The following IBTK variants were observed in gnomAD, a reference collection of about 807,000 sequenced individuals.
The protein encoded by IBTK is inhibitor of Bruton tyrosine kinase, also known as BTK-binding protein.
IBTK carries 83 observed loss-of-function variants against 154.9 expected under a neutral mutation model. The observed-to-expected ratio is 0.54, with a 90% CI of 0.45 to 0.64. IBTK has a LOEUF of 0.64. IBTK is among the 30% of genes least tolerant of loss of function. The pLI is 0.00. For missense variants in IBTK, 1,332 were observed against 1,584.6 expected, an observed-to-expected ratio of 0.84 and a Z score of 2.71; for synonymous variants, 515 against 536.1, an observed-to-expected ratio of 0.96 and a Z score of 0.54.
Position 82,200,267 on chromosome 6 carries a change from A to C in IBTK, c.2913-14T>G, listed in dbSNP as rs1280280855. 4.4e-6 allele frequency: 7 copies of C among 1,581,042 alleles called. No individual in the cohort carries two copies. The highest frequency in any genetic ancestry group is 5.2e-6 in the Non-Finnish European group (6 of 1,150,852). On this transcript the variant is annotated splice_polypyrimidine_tract_variant and intron_variant, in intron 20 of 28. Transcript: ENST00000306270. ...AACATAGTTTCCCTAGGAAAAAGCA[A>C]ACATAATTTCAGCAGTGTTTAGGGA...
chr6:82,173,369 G>C lies in IBTK; in HGVS notation c.3795C>G (p.Pro1265=). The part of the protein sequence containing the change: ...HISDLPLLDS[P]NPWLSSSVTA... Reference sequence around the variant, plus strand: ...CATAACTTATCAATTAACCTTACTTGGGACTGTCTAGAAGTGGTAAATCTG... The same window carrying C: ...CATAACTTATCAATTAACCTTACTTCGGACTGTCTAGAAGTGGTAAATCTG... Residue 1265 remains proline, a splice_region_variant and synonymous_variant, in exon 27 of 29, where the codon CCC becomes CCG. Transcript: ENST00000306270. 6.2e-7 allele frequency: 1 copy of C among 1,609,490 alleles called. No homozygotes were observed. Among genetic ancestry groups the C allele is most frequent in the Non-Finnish European group, 8.5e-7 (1 of 1,176,274 alleles).
At chr6:82,237,293 T>C (rs532389297) in intron 2 of IBTK, among the ~76,000 whole-genome samples, 1 of 151,074 alleles carries the variant, frequency 6.6e-6, no homozygotes, top group South Asian at 2.1e-4. Flanking sequence ...AGGGTAAGAA[T>C]GGAGCTGAGA....
Position 82,181,941 on chromosome 6 carries a change from G to T in IBTK, c.3663C>A (p.Gly1221=), listed in dbSNP as rs200604745. 1.7e-5 allele frequency: 27 copies of T among 1,598,542 alleles called. No homozygotes were observed. In the Admixed American group the frequency reaches 4.0e-4, roughly 24 times the overall value. ...EKKSVTSHSS[G]DHVKKVSFKG... ...TAAAAGAAACTTTTTTGACATGATC[G>T]CCTGAACTATGGCTAGTAACAGACT... Residue 1221 remains glycine, a synonymous_variant, in exon 26 of 29, where the codon GGC becomes GGA. Transcript: ENST00000306270.
At chr6:82,235,004 G>T (rs956899171) in intron 2 of IBTK, among the ~76,000 whole-genome samples, 4 of 151,808 alleles carry the variant, frequency 2.6e-5, no homozygotes, top group Admixed American at 2.6e-4. Flanking sequence ...GGGATTACAG[G>T]TGCCCACCAC....
At chr6:82,230,183 A>G (rs1227651242) in intron 4 of IBTK, among the ~76,000 whole-genome samples, 1 of 152,216 alleles carries the variant, frequency 6.6e-6, no homozygotes, top group African/African-American at 2.4e-5. Flanking sequence ...TATGTATGTC[A>G]TATATAAATA....
At chr6:82,171,657 A>T in intron 28 of IBTK, 101 bp from the exon 29 acceptor site, 1 of 935,228 alleles carries the variant, frequency 1.1e-6, no homozygotes, top group South Asian at 1.4e-5. Flanking sequence ...ATCACTTTCC[A>T]TGGATACAAT....
chr6:82,214,868 A>G, intron 11 of IBTK, 39 bp from the exon 12 acceptor site: 2 of 1,512,256 alleles, frequency 1.3e-6, no homozygotes, highest in Non-Finnish European at 1.8e-6. Context: ...TTCAAAAAAT[A>G]TGAAGGAAAT....
intron 25 of IBTK, among the ~76,000 whole-genome samples, chr6:82,187,723 C>T (rs968857688): frequency 1.1e-4 from 17 of 152,010 alleles, no homozygotes; most frequent in Non-Finnish European, 2.2e-4. Flanking sequence ...ATCCTGAAGT[C>T]GACATGAGCA....
chr6:82,191,043 A>G (rs1358589718), intron 25 of IBTK, 30 bp downstream of exon 25: 17 of 1,463,126 alleles, frequency 1.2e-5, no homozygotes, highest in Non-Finnish European at 1.4e-5. Flanking sequence ...GCACAAATCT[A>G]TATTAATTTT....
chr6:82,191,441 G>A, intron 24 of IBTK: 1 of 565,304 alleles, frequency 1.8e-6, no homozygotes, highest in South Asian at 2.1e-5. Flanking sequence ...CAATGATCAA[G>A]TAATAGCTAC....
chr6:82,205,025 G>T, intron 16 of IBTK, 67 bp from the exon 17 acceptor site: 1 of 853,564 alleles, frequency 1.2e-6, no homozygotes, highest in Admixed American at 3.0e-5. Context: ...AAAAAAATTT[G>T]AAGTAATTAG....
chr6:82,203,044 A>C (rs1045199839), intron 17 of IBTK, among the ~76,000 whole-genome samples: 1 of 152,006 alleles, frequency 6.6e-6, no homozygotes, highest in Non-Finnish European at 1.5e-5. Context: ...CATAAAACTA[A>C]AAAAGATATA....
chr6:82,193,839 G>A (rs901378350), intron 23 of IBTK, among the ~76,000 whole-genome samples: 16 of 151,924 alleles, frequency 1.1e-4, no homozygotes, highest in Non-Finnish European at 1.5e-4. Context: ...GTACCACCAC[G>A]CCTGGCTAAT....
intron 1 of IBTK, among the ~76,000 whole-genome samples, chr6:82,242,284 G>A (rs572937645): frequency 6.6e-6 from 1 of 151,734 alleles, no homozygotes; most frequent in African/African-American, 2.4e-5. Flanking sequence ...CAGGAGAATC[G>A]CTTGAACCCA....
chr6:82,222,801 C>A (rs1770145238), intron 8 of IBTK, among the ~76,000 whole-genome samples: 1 of 151,654 alleles, frequency 6.6e-6, no homozygotes, highest in Admixed American at 6.6e-5. Context: ...CAGTGGCTCA[C>A]ATCTGTAATC....
intron 21 of IBTK, among the ~76,000 whole-genome samples, chr6:82,198,473 T>C (rs1414320659): frequency 6.6e-6 from 1 of 152,192 alleles, no homozygotes; most frequent in African/African-American, 2.4e-5. Flanking sequence ...TTTTTATCTT[T>C]ATGTTATCTA....
intron 4 of IBTK, 121 bp from the exon 5 acceptor site, chr6:82,227,423 A>G: frequency 2.1e-6 from 1 of 486,422 alleles, no homozygotes; most frequent in Non-Finnish European, 3.5e-6. Flanking sequence ...GGGAATTTAT[A>G]AGACTTTAAT....
At chr6:82,237,210 C>G (rs1308552023) in intron 2 of IBTK, among the ~76,000 whole-genome samples, 1 of 151,842 alleles carries the variant, frequency 6.6e-6, no homozygotes, top group African/African-American at 2.4e-5. Context: ...TTCTCAAACT[C>G]AGCAGGGTTG....
chr6:82,240,111 T>C, intron 2 of IBTK, 55 bp downstream of exon 2: 11 of 1,457,510 alleles, frequency 7.5e-6, no homozygotes, highest in Non-Finnish European at 1.0e-5. Context: ...ATGAAAATGA[T>C]TAAGAAAAAC....
Sources: gnomAD v4.1 joint callset for allele counts (sites outside exome capture counted in the v4.1 genomes callset) on GRCh38, gnomAD v4.1.1 for gene constraint, MANE v1.5 for transcripts, NCBI Gene and HGNC (gene_info 2026-07-23, HGNC 2026-07-21) for gene names.